The following RAD51B variants were observed in gnomAD, a reference collection of about 807,000 sequenced individuals.
RAD51B encodes DNA repair protein RAD51 homolog 2.
Under a neutral mutation model 42.2 loss-of-function variants are expected in RAD51B, and 38 were observed. That is an observed-to-expected ratio of 0.90 (90% CI 0.70 to 1.18). The LOEUF is 1.18. Among genes scored for constraint, RAD51B ranks in the 50% most tolerant of loss-of-function variants. The pLI, the probability that RAD51B is intolerant of heterozygous loss-of-function variation, is 0.00. For missense variants in RAD51B, 373 were observed against 400.7 expected (o/e 0.93, Z 0.59); for synonymous variants, 154 against 145.2 (o/e 1.06, Z -0.43).
intron 7 of RAD51B, among the ~76,000 whole-genome samples, chr14:68,057,332 C>A (rs1566611816): frequency 6.6e-6 from 1 of 151,982 alleles, no homozygotes; most frequent in Non-Finnish European, 1.5e-5. Context: ...TCAGAATTAT[C>A]TTTGATGGTT....
chr14:67,965,032 A>G (rs1278029981), intron 7 of RAD51B, among the ~76,000 whole-genome samples: 2 of 152,218 alleles, frequency 1.3e-5, no homozygotes, highest in Non-Finnish European at 2.9e-5. Flanking sequence ...TTAAATGCAC[A>G]TGGTATTGCA....
At chr14:68,615,502 C>T (rs4902617), downstream of RAD51B, among the ~76,000 whole-genome samples, 1,681 of 152,148 alleles carry the variant, frequency 0.011, 25 homozygotes, top group African/African-American at 0.037. Flanking sequence ...TCCACCACAA[C>T]GCCCAGCTAA....
chr14:68,293,095 A>G (rs547065360), intron 8 of RAD51B, among the ~76,000 whole-genome samples: 1 of 152,174 alleles, frequency 6.6e-6, no homozygotes, highest in Non-Finnish European at 1.5e-5. Context: ...TTATTTTAAT[A>G]ACATCCAGAT....
intron 7 of RAD51B, among the ~76,000 whole-genome samples, chr14:68,179,411 CTAT>C (rs2079018529): frequency 6.6e-6 from 1 of 152,144 alleles, no homozygotes; most frequent in African/African-American, 2.4e-5. Context: ...CTACTTGTAG[CTAT>C]TATTACTCTG....
chr14:68,599,541 G>C (rs1891136612), downstream of RAD51B, among the ~76,000 whole-genome samples: 2 of 152,184 alleles, frequency 1.3e-5, no homozygotes, highest in African/African-American at 4.8e-5. Flanking sequence ...AATGAAAACA[G>C]AAAGTCAGAG....
chr14:68,166,676 G>C (rs2078760839), intron 7 of RAD51B, among the ~76,000 whole-genome samples: 1 of 152,146 alleles, frequency 6.6e-6, no homozygotes, highest in Admixed American at 6.5e-5. Context: ...ATTAGCACCA[G>C]TCTGCGGATT....
At position 68,088,611 on chromosome 14, in the gene RAD51B, C is replaced by T. The variant is rs188795578; in HGVS notation, c.756+201407C>T. ...GATCGTGTGTGTGTGTGTGTGTGCG[C>T]GTGTGTGTGAGACAGAGAGAGAGAG... is the stretch of plus-strand genomic sequence containing the variant. On this transcript the variant is annotated intron_variant, in intron 7 of 10. Transcript: ENST00000471583. Among the ~76,000 whole-genome samples, 224 of 131,034 alleles carry T rather than the reference C, an allele frequency of 1.7e-3. 1 individual carries two copies. The highest frequency in any genetic ancestry group is 5.6e-3 in the African/African-American group (190 of 34,170). The allele number at this position is 131,034 out of a possible 152,430, so 86.0% of individuals were successfully genotyped here.
intron 8 of RAD51B, among the ~76,000 whole-genome samples, chr14:68,336,671 G>A (rs2082461082): frequency 6.6e-6 from 1 of 152,178 alleles, no homozygotes; most frequent in Non-Finnish European, 1.5e-5. Context: ...AATTCTACTT[G>A]CCACCAATGC....
intron 8 of RAD51B, among the ~76,000 whole-genome samples, chr14:68,402,428 T>C (rs2084132952): frequency 1.3e-5 from 2 of 152,186 alleles, no homozygotes; most frequent in African/African-American, 4.8e-5. Context: ...CAGGAGAAGC[T>C]GAATTGAATG....
intron 7 of RAD51B, among the ~76,000 whole-genome samples, chr14:68,120,590 A>G (rs1418686179): frequency 6.6e-6 from 1 of 152,156 alleles, no homozygotes; most frequent in Admixed American, 6.5e-5. Flanking sequence ...TTCCTGATAT[A>G]TTCAGAACCA....
intron 10 of RAD51B, chr14:68,594,355 C>T (rs1890891499): frequency 1.2e-6 from 1 of 825,290 alleles, no homozygotes; most frequent in African/African-American, 1.8e-5. Context: ...CCGTTATGTA[C>T]ATTCCTATGC....
intron 7 of RAD51B, among the ~76,000 whole-genome samples, chr14:68,068,469 A>G (rs1222076439): frequency 1.3e-5 from 2 of 152,196 alleles, no homozygotes; most frequent in African/African-American, 2.4e-5. Flanking sequence ...CTGCCAAATA[A>G]TATTCCACAA....
chr14:67,941,541 C>T (rs2045208411), intron 7 of RAD51B, among the ~76,000 whole-genome samples: 1 of 152,108 alleles, frequency 6.6e-6, no homozygotes, highest in South Asian at 2.1e-4. Context: ...TTCTAAGAGA[C>T]CTGTGAGACT....
chr14:68,635,807 C>T (rs1892329006), intron 10 of RAD51B, among the ~76,000 whole-genome samples: 1 of 152,166 alleles, frequency 6.6e-6, no homozygotes, highest in African/African-American at 2.4e-5. Flanking sequence ...CAAGGACAAA[C>T]TCTGATGGGC....
chr14:68,645,858 G>T (rs1266998177), intron 10 of RAD51B, among the ~76,000 whole-genome samples: 2 of 152,032 alleles, frequency 1.3e-5, no homozygotes, highest in Non-Finnish European at 2.9e-5. Context: ...TTGCAACAGA[G>T]AATTTGTGCA....
chr14:68,442,254 C>T (rs2085316099), intron 9 of RAD51B, among the ~76,000 whole-genome samples: 2 of 152,120 alleles, frequency 1.3e-5, no homozygotes, highest in Admixed American at 6.5e-5. Context: ...TGGTCACAAC[C>T]TTTCTCTCTC....
At chr14:67,909,664 A>G (rs1054671666) in intron 7 of RAD51B, among the ~76,000 whole-genome samples, 2 of 152,102 alleles carry the variant, frequency 1.3e-5, no homozygotes, top group South Asian at 2.1e-4. Context: ...GTAAAAAATT[A>G]TATACTTTTT....
intron 10 of RAD51B, among the ~76,000 whole-genome samples, chr14:68,637,085 A>G (rs1892355696): frequency 6.6e-6 from 1 of 151,888 alleles, no homozygotes; most frequent in African/African-American, 2.4e-5. Flanking sequence ...CACTCTTAAC[A>G]AACTTTTTTT....
intron 7 of RAD51B, among the ~76,000 whole-genome samples, chr14:68,178,210 T>A (rs2078997466): frequency 6.6e-6 from 1 of 152,200 alleles, no homozygotes; most frequent in Admixed American, 6.5e-5. Context: ...GTTTAGCCTG[T>A]GGACCTATTT....
Sources: gnomAD v4.1 joint callset for allele counts (sites outside exome capture counted in the v4.1 genomes callset) on GRCh38, gnomAD v4.1.1 for gene constraint, MANE v1.5 for transcripts, NCBI Gene and HGNC (gene_info 2026-07-23, HGNC 2026-07-21) for gene names.